Variants in XIRP2 observed in about 807,000 individuals in gnomAD.
XIRP2 encodes xin actin binding repeat containing 2.
A neutral mutation model predicts 277.0 loss-of-function variants in XIRP2; 236 were observed. The observed-to-expected ratio is 0.85, with a 90% CI of 0.77 to 0.95. The LOEUF is 0.95. XIRP2 is among the 40% of genes least tolerant of loss of function. The pLI is 0.00. For missense variants in XIRP2, 4,640 were observed against 4,157.5 expected, an observed-to-expected ratio of 1.12 and a Z score of -3.19; for synonymous variants, 1,490 against 1,416.5, an observed-to-expected ratio of 1.05 and a Z score of -1.17.
intron 3 of XIRP2, among the ~76,000 whole-genome samples, chr2:167,162,667 T>C (rs898915555): frequency 2.6e-5 from 4 of 152,222 alleles, no homozygotes; most frequent in Non-Finnish European, 5.9e-5. Flanking sequence ...TTTAATATTC[T>C]GCTTTTCGAA....
Position 167,243,254 on chromosome 2 carries a change from T to C in XIRP2, c.1862T>C (p.Phe621Ser). The change falls in exon 9 of 11, where the codon TTT (phenylalanine) becomes TCT (serine). Residue 621 changes from phenylalanine (F) to serine (S), a missense_variant. Transcript: ENST00000409195. ...GGDVKYTTWM[F>S]ETQPIDTLGA... The stretch of plus-strand genomic sequence containing the variant: ...GATGTGAAATATACCACATGGATGT[T>C]TGAAACCCAACCCATCGACACACTT... The C allele has an allele frequency of 6.2e-7, 1 of 1,613,728 alleles. No individual in the cohort carries two copies. The highest frequency in any genetic ancestry group is 8.5e-7 in the Non-Finnish European group (1 of 1,179,792).
In XIRP2 at chr2:167,257,770, C is replaced by T. The variant is rs1695701217; in HGVS notation, c.*40-87C>T. On this transcript the variant is annotated intron_variant, in intron 10 of 10. Coordinates refer to ENST00000409195, the MANE Select transcript of XIRP2 (RefSeq NM_152381.6). ...TTGCTAGTAACTTAAGTTTACTAGT[C>T]TGTAACTCATTGAAATAATTAATCC... The T allele has an allele frequency of 3.7e-6, 5 of 1,368,580 alleles. No individual in the cohort carries two copies. In the South Asian group the frequency reaches 5.9e-5, roughly 16 times the overall value. The allele number at this position is 1,368,580 out of a possible 1,614,324, so 84.8% of individuals were successfully genotyped here.
chr2:167,239,031 G>A (rs1458026701), intron 5 of XIRP2, among the ~76,000 whole-genome samples: 3 of 152,170 alleles, frequency 2.0e-5, no homozygotes, highest in African/African-American at 4.8e-5. Flanking sequence ...AGTTCCACAT[G>A]TGAAGATAGG....
intron 5 of XIRP2, among the ~76,000 whole-genome samples, chr2:167,229,842 T>C (rs543287451): frequency 1.1e-4 from 17 of 152,288 alleles, no homozygotes; most frequent in Admixed American, 9.2e-4. Context: ...CATTTTTGCC[T>C]AGCTTCTTCA....
intron 2 of XIRP2, among the ~76,000 whole-genome samples, chr2:167,006,338 T>G (rs993386436): frequency 2.6e-5 from 4 of 151,596 alleles, no homozygotes; most frequent in Non-Finnish European, 5.9e-5. Flanking sequence ...GCGGGGGGAA[T>G]GTAATGTGTA....
chr2:167,184,453 A>T (rs1018524939), intron 3 of XIRP2: 2 of 655,350 alleles, frequency 3.1e-6, no homozygotes, highest in African/African-American at 3.7e-5. Context: ...TAGACAGAAA[A>T]TAGAATTTGA....
At chr2:167,079,856 T>G (rs1689680264) in intron 2 of XIRP2, among the ~76,000 whole-genome samples, 1 of 152,134 alleles carries the variant, frequency 6.6e-6, no homozygotes, top group African/African-American at 2.4e-5. Context: ...TGATTTGGGT[T>G]ATATCTTTTC....
chr2:167,197,793 C>T (rs572635580), intron 3 of XIRP2, among the ~76,000 whole-genome samples: 98 of 152,224 alleles, frequency 6.4e-4, no homozygotes, highest in Admixed American at 1.5e-3. Context: ...CTTTCCTCCC[C>T]TTATCTTCTA....
chr2:167,090,114 T>C (rs949552547), intron 2 of XIRP2, among the ~76,000 whole-genome samples: 1 of 152,154 alleles, frequency 6.6e-6, no homozygotes, highest in Non-Finnish European at 1.5e-5. Flanking sequence ...ATTGTGTCTT[T>C]ATGAACTTAC....
At position 167,241,993 on chromosome 2, in the gene XIRP2, G is replaced by A. The variant is rs1254870936; in HGVS notation, c.1176+83G>A. The A allele has an allele frequency of 2.8e-6, 4 of 1,444,094 alleles. No homozygotes were observed. In the African/African-American group the frequency reaches 4.4e-5, roughly 16 times the overall value. 89.5% of individuals were successfully genotyped at this position (1,444,094 alleles called of 1,614,324 possible). On this transcript the variant is annotated intron_variant, in intron 8 of 10. Transcript: ENST00000409195. ...AACATTTTCAAATTATTGAATACTT[G>A]AGGTGGCTTTTCAACAAAAAAAAAT...
rs375087677 is a variant in XIRP2, at chr2:167,085,386, G to A, written c.409-50523G>A. 3.4e-3 allele frequency among the ~76,000 whole-genome samples: 518 copies of A among 150,174 alleles called. 10 individuals carry two copies. The East Asian group carries it at 0.042, about 12-fold the overall frequency. ...AAGTATGTGGTCAATTTTGGAATAG[G>A]TGTGGTGTGGTGCTGAAAAAAATGT... On this transcript the variant is annotated intron_variant, in intron 2 of 10. Transcript: ENST00000409195.
At chr2:166,999,783 A>C (rs1352754955) in intron 2 of XIRP2, among the ~76,000 whole-genome samples, 1 of 152,184 alleles carries the variant, frequency 6.6e-6, no homozygotes, top group Non-Finnish European at 1.5e-5. Flanking sequence ...TTTCTTCCTG[A>C]CATAGAGAAC....
intron 2 of XIRP2, among the ~76,000 whole-genome samples, chr2:166,942,005 C>T (rs1018215731): frequency 2.0e-5 from 3 of 152,176 alleles, no homozygotes; most frequent in East Asian, 3.9e-4. Context: ...CTCTCAAGTT[C>T]CTTCCAGTTA....
At chr2:167,215,936 A>G (rs558841831) in intron 4 of XIRP2, among the ~76,000 whole-genome samples, 8 of 152,296 alleles carry the variant, frequency 5.3e-5, no homozygotes, top group African/African-American at 1.9e-4. Flanking sequence ...TATCAAAATT[A>G]GTTTTCTATG....
chr2:166,892,357 T>C (rs564755325), intron 1 of XIRP2, among the ~76,000 whole-genome samples: 3 of 152,102 alleles, frequency 2.0e-5, no homozygotes, highest in African/African-American at 7.2e-5. Flanking sequence ...ATGGTGGGTG[T>C]TGGGAAACAG....
chr2:167,082,547 T>C (rs1268934337), intron 2 of XIRP2, among the ~76,000 whole-genome samples: 3 of 152,264 alleles, frequency 2.0e-5, no homozygotes, highest in Non-Finnish European at 4.4e-5. Flanking sequence ...GTTGAACTAG[T>C]TTACAGTCCC....
chr2:167,050,764 G>A (rs367624807), intron 2 of XIRP2, among the ~76,000 whole-genome samples: 12 of 151,816 alleles, frequency 7.9e-5, no homozygotes, highest in African/African-American at 2.9e-4. Flanking sequence ...ACAATCAGAT[G>A]TAAGTGGAAC....
At chr2:167,236,558 A>G (rs78172496) in intron 5 of XIRP2, among the ~76,000 whole-genome samples, 4 of 152,114 alleles carry the variant, frequency 2.6e-5, no homozygotes, top group South Asian at 2.1e-4. Context: ...GAGCATATAC[A>G]TCATCTCTTT....
chr2:166,952,110 C>A (rs953272199), intron 2 of XIRP2, among the ~76,000 whole-genome samples: 1 of 151,982 alleles, frequency 6.6e-6, no homozygotes, highest in Non-Finnish European at 1.5e-5. Flanking sequence ...GCACGCTTAT[C>A]AGTTTTCTGC....
Sources: gnomAD v4.1 joint callset for allele counts (sites outside exome capture counted in the v4.1 genomes callset) on GRCh38, gnomAD v4.1.1 for gene constraint, MANE v1.5 for transcripts, NCBI Gene and HGNC (gene_info 2026-07-23, HGNC 2026-07-21) for gene names.